Variants in PCBP3 observed in about 807,000 individuals in gnomAD.
The protein encoded by PCBP3 is poly(rC)-binding protein 3.
A neutral mutation model predicts 52.7 loss-of-function variants in PCBP3; 25 were observed. The observed-to-expected ratio is 0.47, with a 90% CI of 0.35 to 0.66. The LOEUF (loss-of-function observed/expected upper bound fraction) is 0.66. Among genes scored for constraint, PCBP3 ranks in the 30% least tolerant of loss-of-function variants. PCBP3 has a pLI of 0.01. For synonymous variants in PCBP3, 162 were observed against 183.0 expected (o/e 0.89, Z 0.93); for missense variants, 391 against 490.3 (o/e 0.80, Z 1.91).
At chr21:45,864,052 G>A (rs2094611511) in intron 5 of PCBP3, among the ~76,000 whole-genome samples, 1 of 152,180 alleles carries the variant, frequency 6.6e-6, no homozygotes, top group African/African-American at 2.4e-5. Context: ...TACTAGTCGA[G>A]TGTTATTATT....
chr21:45,849,889 C>T (rs374764816), intron 4 of PCBP3, 72 bp from the exon 5 acceptor site: 13 of 606,966 alleles, frequency 2.1e-5, no homozygotes, highest in African/African-American at 1.8e-4. Context: ...GAGGCAGTTC[C>T]GTTGAAGCCC....
Position 45,917,412 on chromosome 21 carries a change from T to C in PCBP3, c.676-176T>C. The C allele has an allele frequency of 2.6e-6, 1 of 378,492 alleles. No individual in the cohort carries two copies. 23.4% of individuals were successfully genotyped at this position (378,492 alleles called of 1,614,324 possible). A position where few individuals can be genotyped will look rare whatever the true frequency, so the allele number is the denominator to read the frequency against. On this transcript the variant is annotated intron_variant, in intron 12 of 17. Transcript: ENST00000681687. The surrounding 1 kb of genome is among the most constrained non-coding windows in gnomAD (Gnocchi z 5.3). The stretch of plus-strand genomic sequence containing the variant: ...CCAGAGGAAGTGGGTGCGGCTCCCC[T>C]GGGGCTCCTGGTGCCCTGGGAGGGT...
At chr21:45,682,861 G>A (rs924515553) in intron 2 of PCBP3, among the ~76,000 whole-genome samples, 2 of 152,114 alleles carry the variant, frequency 1.3e-5, no homozygotes, top group Non-Finnish European at 2.9e-5. Context: ...TTAGAGGATG[G>A]AGTCCAGGCT....
chr21:45,925,037 A>C (rs1467786380), intron 13 of PCBP3, among the ~76,000 whole-genome samples: 586 of 64,954 alleles, frequency 9.0e-3, no homozygotes, highest in Admixed American at 0.033. Context: ...GGAACAGTCG[A>C]GTGGGTAGAA....
At position 45,933,349 on chromosome 21, in the gene PCBP3, G is replaced by A. The variant is rs539494764; in HGVS notation, c.857-1904G>A. On this transcript the variant is annotated intron_variant, in intron 15 of 17. Coordinates refer to ENST00000681687, the MANE Select transcript of PCBP3 (RefSeq NM_001384156.1). ...TTGACCATGCTGTCCTGAGATGATT[G>A]TCCTGGTTATGCAGACATTTCTTTA... is the stretch of plus-strand genomic sequence containing the variant. Among the ~76,000 whole-genome samples the A allele has an allele frequency of 2.6e-5, 4 of 152,380 alleles. No individual in the cohort carries two copies. The South Asian group carries it at 8.3e-4, about 32-fold the overall frequency.
Position 45,805,144 on chromosome 21 carries a change from CCACAT to C in PCBP3, c.-125-44816_-125-44812del, listed in dbSNP as rs2092450361. On this transcript the variant is annotated intron_variant, in intron 4 of 17. Transcript: ENST00000681687. This position sits in a 1 kb window ranked among gnomAD's most constrained non-coding sequence, Gnocchi z 4.6. The stretch of plus-strand genomic sequence containing the variant: ...GCATCGTCATCTTGGGCCATGGCTA[CCACAT>C]ATGGCGCTTCCTAGCCGGGCACTAT... 6.6e-6 allele frequency among the ~76,000 whole-genome samples: 1 copy of C among 152,194 alleles called. No individual in the cohort carries two copies. Among genetic ancestry groups the C allele is most frequent in the Non-Finnish European group, 1.5e-5 (1 of 68,020 alleles).
At chr21:45,807,638 T>A (rs2092549201) in intron 4 of PCBP3, among the ~76,000 whole-genome samples, 1 of 151,858 alleles carries the variant, frequency 6.6e-6, no homozygotes, top group Non-Finnish European at 1.5e-5. Flanking sequence ...CAGTGTTAGC[T>A]CCATGAAGCT....
Position 45,805,156 on chromosome 21 carries a change from C to A in PCBP3, c.-125-44805C>A, listed in dbSNP as rs896354870. 7.2e-5 allele frequency among the ~76,000 whole-genome samples: 11 copies of A among 152,330 alleles called. No individual in the cohort carries two copies. Among genetic ancestry groups the A allele is most frequent in the African/African-American group, 2.2e-4 (9 of 41,592 alleles). On this transcript the variant is annotated intron_variant, in intron 4 of 17. Coordinates refer to ENST00000681687, the MANE Select transcript of PCBP3 (RefSeq NM_001384156.1). The surrounding 1 kb of genome is among the most constrained non-coding windows in gnomAD (Gnocchi z 4.6). The stretch of plus-strand genomic sequence containing the variant: ...TGGGCCATGGCTACCACATATGGCG[C>A]TTCCTAGCCGGGCACTATGCCACAG...
At chr21:45,870,217 G>A in intron 5 of PCBP3, among the ~76,000 whole-genome samples, 1 of 151,456 alleles carries the variant, frequency 6.6e-6, no homozygotes, top group Non-Finnish European at 1.5e-5. Context: ...TTTCTTTTGG[G>A]AAGATTCTTA....
At position 45,651,965 on chromosome 21, in the gene PCBP3, C is replaced by A. The variant is rs572222653; in HGVS notation, c.-279+8097C>A. Among the ~76,000 whole-genome samples, 7 of 152,154 alleles carry A rather than the reference C, an allele frequency of 4.6e-5. No individual in the cohort carries two copies. The South Asian group carries it at 1.4e-3, about 32-fold the overall frequency. On this transcript the variant is annotated intron_variant, in intron 1 of 17. Coordinates refer to ENST00000681687, the MANE Select transcript of PCBP3 (RefSeq NM_001384156.1). ...TGGTTTTAAATTATTCATTAAAGTG[C>A]AATATGGATTCTATTTATAGACGCA...
intron 6 of PCBP3, among the ~76,000 whole-genome samples, chr21:45,897,191 A>G (rs2095856002): frequency 6.6e-6 from 1 of 152,230 alleles, no homozygotes; most frequent in Non-Finnish European, 1.5e-5. Context: ...TGTTTCCTAC[A>G]AACAGGGACC....
At position 45,724,688 on chromosome 21, in the gene PCBP3, G is replaced by A. The variant is rs778234910; in HGVS notation, c.-199-10704G>A. ...GGGAACAGCAAGGGTGGGGTGCCTC[G>A]GTGGGATCTGAAAGAGAACCCGCCC... On this transcript the variant is annotated intron_variant, in intron 2 of 17. Transcript: ENST00000681687. The surrounding 1 kb of genome is among the most constrained non-coding windows in gnomAD (Gnocchi z 5.3). Among the ~76,000 whole-genome samples, 4 of 152,060 alleles carry A rather than the reference G, an allele frequency of 2.6e-5. No individual in the cohort carries two copies. The highest frequency in any genetic ancestry group is 2.1e-4 in the South Asian group (1 of 4,802).
At chr21:45,854,417 C>A (rs969525365) in intron 5 of PCBP3, among the ~76,000 whole-genome samples, 1 of 152,100 alleles carries the variant, frequency 6.6e-6, no homozygotes, top group African/African-American at 2.4e-5. Context: ...CCCATTAAAC[C>A]CTCCCTCCCC....
intron 2 of PCBP3, among the ~76,000 whole-genome samples, chr21:45,676,823 G>A (rs1336218291): frequency 6.6e-6 from 1 of 152,096 alleles, no homozygotes; most frequent in Non-Finnish European, 1.5e-5. Flanking sequence ...CCAGGCTGGA[G>A]TGCAGTGGTG....
chr21:45,777,629 T>C (rs1164825247), intron 4 of PCBP3, among the ~76,000 whole-genome samples: 6 of 152,208 alleles, frequency 3.9e-5, no homozygotes, highest in Non-Finnish European at 4.4e-5. Context: ...TATTTTTATC[T>C]GACTGGATTA....
At chr21:45,857,515 C>T (rs879758686) in intron 5 of PCBP3, among the ~76,000 whole-genome samples, 2 of 152,184 alleles carry the variant, frequency 1.3e-5, no homozygotes, top group Non-Finnish European at 2.9e-5. Context: ...AATTACCCAG[C>T]CTCAGGCATT....
chr21:45,739,585 T>TAC (rs2086236839), intron 3 of PCBP3, among the ~76,000 whole-genome samples: 1 of 32,480 alleles, frequency 3.1e-5, no homozygotes, highest in Admixed American at 3.1e-4. Flanking sequence ...GTCCTCTGGG[T>TAC]GCCCCCCCCC....
intron 1 of PCBP3, among the ~76,000 whole-genome samples, chr21:45,652,098 GT>G (rs2079723098): frequency 6.6e-6 from 1 of 151,868 alleles, no homozygotes; most frequent in Non-Finnish European, 1.5e-5. Context: ...CCCTTTCTTT[GT>G]TCTCAGTCAA....
At chr21:45,766,953 A>G (rs573477523) in intron 4 of PCBP3, among the ~76,000 whole-genome samples, 1 of 152,336 alleles carries the variant, frequency 6.6e-6, no homozygotes, top group South Asian at 2.1e-4. Context: ...ACTGACTAGA[A>G]ACATGTTCAC....
Sources: allele counts gnomAD v4.1 joint callset (sites outside exome capture counted in the v4.1 genomes callset), GRCh38; gene constraint gnomAD v4.1.1; non-coding constraint Gnocchi (gnomAD v3.1); transcripts MANE v1.5; gene names NCBI Gene and HGNC (gene_info 2026-07-23, HGNC 2026-07-21).